TNFRSF1A: variants seen among roughly 807,000 people sequenced by gnomAD.
TNFRSF1A encodes TNF receptor superfamily member 1A.
Under a neutral mutation model 41.6 loss-of-function variants are expected in TNFRSF1A, and 9 were observed. The ratio of observed to expected loss-of-function variants is 0.22; its 90% CI spans 0.13 to 0.38. The LOEUF (loss-of-function observed/expected upper bound fraction) is 0.38, where lower values mean the gene tolerates loss of function less well. Among genes scored for constraint, TNFRSF1A ranks in the 10% least tolerant of loss-of-function variants. TNFRSF1A has a pLI of 1.00. For missense variants in TNFRSF1A, 463 were observed against 591.5 expected (o/e 0.78, Z 2.25); for synonymous variants, 254 against 248.6 (o/e 1.02, Z -0.21).
chr12:6,338,995 G>A (rs944432879), intron 1 of TNFRSF1A, among the ~76,000 whole-genome samples: 4 of 152,066 alleles, frequency 2.6e-5, no homozygotes, highest in African/African-American at 9.7e-5. Context: ...AACAGCTTCT[G>A]AATAAACGAA....
chr12:6,339,767 C>T (rs1019849162), intron 1 of TNFRSF1A, among the ~76,000 whole-genome samples: 2 of 151,722 alleles, frequency 1.3e-5, no homozygotes, highest in African/African-American at 4.8e-5. Context: ...ATCCTGTTTG[C>T]TTTGCCACAG....
intron 7 of TNFRSF1A, 143 bp from the exon 8 acceptor site, chr12:6,330,438 C>T (rs540130527): frequency 5.8e-6 from 6 of 1,027,564 alleles, no homozygotes; most frequent in South Asian, 1.3e-5. Flanking sequence ...TGATGCAGCT[C>T]GACATCTCCC....
rs1382861279 is a variant in TNFRSF1A, at chr12:6,341,897, G to C, written c.-83C>G. On this transcript the variant is annotated 5_prime_UTR_variant, in exon 1 of 10. Transcript: ENST00000162749. This position sits in a 1 kb window ranked among gnomAD's most constrained non-coding sequence, Gnocchi z 4.6. ...CAGTGCTGGGGCTTCCCGGGACTCG[G>C]TCTGTCCAGGACGTCCCAAGTGCCT... 15 of 1,514,988 alleles carry C rather than the reference G, an allele frequency of 9.9e-6. No individual in the cohort carries two copies. The highest frequency in any genetic ancestry group is 1.1e-5 in the Non-Finnish European group (12 of 1,092,682). The allele number at this position is 1,514,988 out of a possible 1,614,324, so 93.8% of individuals were successfully genotyped here.
At chr12:6,338,535 A>C (rs1397972119) in intron 1 of TNFRSF1A, among the ~76,000 whole-genome samples, 2 of 149,650 alleles carry the variant, frequency 1.3e-5, no homozygotes, top group African/African-American at 4.9e-5. Flanking sequence ...CAGCATTTCC[A>C]TGGTCATGGA....
intron 1 of TNFRSF1A, among the ~76,000 whole-genome samples, chr12:6,338,340 C>G (rs1279773850): frequency 6.6e-6 from 1 of 152,104 alleles, no homozygotes; most frequent in Non-Finnish European, 1.5e-5. Context: ...TGCGAGGCCT[C>G]CCCCTGTGAT....
intron 9 of TNFRSF1A, 46 bp downstream of exon 9, chr12:6,329,732 C>A: frequency 1.3e-6 from 2 of 1,567,826 alleles, no homozygotes; most frequent in East Asian, 2.3e-5. Flanking sequence ...CGCGCTCCCC[C>A]GGCCCTCCCC....
At chr12:6,332,694 C>A (rs4149586) in intron 5 of TNFRSF1A, among the ~76,000 whole-genome samples, 1,772 of 152,252 alleles carry the variant, frequency 0.012, 14 homozygotes, top group Non-Finnish European at 0.019. Flanking sequence ...CTTTTCTTTA[C>A]ATTACTACCC....
chr12:6,330,117 C>G (rs754560416), intron 8 of TNFRSF1A, 51 bp from the exon 9 acceptor site: 1 of 1,612,368 alleles, frequency 6.2e-7, no homozygotes, highest in Admixed American at 1.7e-5. Flanking sequence ...AAACCAGCCC[C>G]GGCCCTCTTT....
At position 6,328,884 on chromosome 12, in the gene TNFRSF1A, G is replaced by T; in HGVS notation, c.*428C>A. 5.8e-6 allele frequency: 1 copy of T among 172,860 alleles called. No individual in the cohort carries two copies. Among genetic ancestry groups the T allele is most frequent in the Non-Finnish European group, 1.2e-5 (1 of 82,214 alleles). 10.7% of individuals were successfully genotyped at this position (172,860 alleles called of 1,614,324 possible). A position where few individuals can be genotyped will look rare whatever the true frequency, so the allele number is the denominator to read the frequency against. On this transcript the variant is annotated 3_prime_UTR_variant, in exon 10 of 10. Coordinates refer to ENST00000162749, the MANE Select transcript of TNFRSF1A (RefSeq NM_001065.4). ...GTTCAGCTTGCTATGTGCTTGTCCA[G>T]GCAGAGGGCACAGGAGTGCCAAGTT...
chr12:6,335,126 A>T (rs1305610620), intron 1 of TNFRSF1A, among the ~76,000 whole-genome samples: 1 of 152,152 alleles, frequency 6.6e-6, no homozygotes, highest in Non-Finnish European at 1.5e-5. Context: ...GAGTGGACAG[A>T]AGAAGGAAGT....
chr12:6,338,279 C>T (rs1357207261), intron 1 of TNFRSF1A, among the ~76,000 whole-genome samples: 1 of 152,124 alleles, frequency 6.6e-6, no homozygotes, highest in Admixed American at 6.6e-5. Context: ...CACGCTCTCT[C>T]CCCAGGGCCC....
intron 7 of TNFRSF1A, 51 bp from the exon 8 acceptor site, chr12:6,330,346 T>G: frequency 6.4e-7 from 1 of 1,566,330 alleles, no homozygotes; most frequent in Non-Finnish European, 8.8e-7. Context: ...CTCTCAGCCC[T>G]GGCACCCTGG....
In TNFRSF1A at chr12:6,334,750, T is replaced by C. The variant is rs895822394; in HGVS notation, c.40-506A>G. On this transcript the variant is annotated intron_variant, in intron 1 of 9. Transcript: ENST00000162749. This position sits in a 1 kb window ranked among gnomAD's most constrained non-coding sequence, Gnocchi z 5.1. The stretch of plus-strand genomic sequence containing the variant: ...CCTGGGCTCAAGTGATCCTCCCACC[T>C]TGGCTTCCCAAAGTGCTAGGATTAC... 6.6e-6 allele frequency among the ~76,000 whole-genome samples: 1 copy of C among 152,188 alleles called. No individual in the cohort carries two copies. Among genetic ancestry groups the C allele is most frequent in the African/African-American group, 2.4e-5 (1 of 41,440 alleles).
At position 6,337,315 on chromosome 12, in the gene TNFRSF1A, GGAGA is replaced by G. The variant is rs1375323167; in HGVS notation, c.40-3075_40-3072del. On this transcript the variant is annotated intron_variant, in intron 1 of 9. Transcript: ENST00000162749. This position sits in a 1 kb window ranked among gnomAD's most constrained non-coding sequence, Gnocchi z 4.6. ...AAGGGCAGGAAGCTGGGGTGCCTGT[GGAGA>G]GACAGTTGAGGGGGTGGCCCAACAC... is the stretch of plus-strand genomic sequence containing the variant. 6.6e-6 allele frequency among the ~76,000 whole-genome samples: 1 copy of G among 152,192 alleles called. No individual in the cohort carries two copies. Among genetic ancestry groups the G allele is most frequent in the Non-Finnish European group, 1.5e-5 (1 of 68,034 alleles).
chr12:6,334,643 G>A lies in TNFRSF1A; in HGVS notation c.40-399C>T, dbSNP rs530223725. ...CTCCTGAATAGCTGGGACTACGGCCGTGAACCACCATGCCCAGCTAATTTT... is the reference window on the plus strand; with the variant it reads ...CTCCTGAATAGCTGGGACTACGGCCATGAACCACCATGCCCAGCTAATTTT... On this transcript the variant is annotated intron_variant, in intron 1 of 9. Transcript: ENST00000162749. The surrounding 1 kb of genome is among the most constrained non-coding windows in gnomAD (Gnocchi z 5.1). Among the ~76,000 whole-genome samples, 11 of 152,118 alleles carry A rather than the reference G, an allele frequency of 7.2e-5. No homozygotes were observed. The South Asian group carries it at 8.3e-4, about 11-fold the overall frequency.
At chr12:6,330,207 T>C in intron 8 of TNFRSF1A, 60 bp downstream of exon 8, 1 of 1,613,674 alleles carries the variant, frequency 6.2e-7, no homozygotes, top group Non-Finnish European at 8.5e-7. Flanking sequence ...GATCTGAGCA[T>C]TAGGCAATTA....
chr12:6,332,443 A>AAAAAAAAAC (rs1555107858), intron 5 of TNFRSF1A, among the ~76,000 whole-genome samples: 18 of 150,694 alleles, frequency 1.2e-4, no homozygotes, highest in African/African-American at 4.4e-4. Context: ...CAAAAAAAAA[A>AAAAAAAAAC]AAAAAAAAAA....
chr12:6,335,520 C>T lies in TNFRSF1A; in HGVS notation c.40-1276G>A, dbSNP rs530654112. Among the ~76,000 whole-genome samples, 52 of 152,280 alleles carry T rather than the reference C, an allele frequency of 3.4e-4. No individual in the cohort carries two copies. The South Asian group carries it at 8.7e-3, about 25-fold the overall frequency. ...GGCTTGTCCTGTTCCGGCATCAGTG[C>T]CAGGAAAGCAAAGCCAGGAGTGAAT... On this transcript the variant is annotated intron_variant, in intron 1 of 9. Coordinates refer to ENST00000162749, the MANE Select transcript of TNFRSF1A (RefSeq NM_001065.4).
intron 1 of TNFRSF1A, among the ~76,000 whole-genome samples, chr12:6,335,205 C>A (rs895789927): frequency 6.6e-6 from 1 of 152,122 alleles, no homozygotes; most frequent in Non-Finnish European, 1.5e-5. Flanking sequence ...TCCCCTCCAC[C>A]TCAAAATTTA....
Sources: allele counts gnomAD v4.1 joint callset (sites outside exome capture counted in the v4.1 genomes callset), GRCh38; gene constraint gnomAD v4.1.1; non-coding constraint Gnocchi (gnomAD v3.1); transcripts MANE v1.5; gene names NCBI Gene and HGNC (gene_info 2026-07-23, HGNC 2026-07-21).